Variants in SLC3A1 observed in about 807,000 individuals in gnomAD.
The protein encoded by SLC3A1 is amino acid transporter heavy chain SLC3A1.
A neutral mutation model predicts 60.3 loss-of-function variants in SLC3A1; 78 were observed. The observed-to-expected ratio is 1.29, with a 90% CI of 1.08 to 1.56. The LOEUF (loss-of-function observed/expected upper bound fraction) is 1.56, where lower values mean the gene tolerates loss of function less well. Ranked by LOEUF, SLC3A1 falls within the 40% of genes most tolerant of loss-of-function variation. SLC3A1 has a pLI of 0.00. For missense variants in SLC3A1, 1,172 were observed against 858.9 expected (o/e 1.36, Z -4.56); for synonymous variants, 392 against 307.9 (o/e 1.27, Z -2.86).
chr2:44,320,462 CGACA>C lies in SLC3A1; in HGVS notation c.1882_1885del (p.Asp628LysfsTer50), dbSNP rs1558479169. The C allele has an allele frequency of 6.2e-7, 1 of 1,614,042 alleles. No homozygotes were observed. Among genetic ancestry groups the C allele is most frequent in the East Asian group, 2.2e-5 (1 of 44,884 alleles). ...GAATAAGGTTAAGTACCAATTCTGCCGACAAAGGCAGTAAAGTTGATACAAGTGG... is the reference window on the plus strand; with the variant it reads ...GAATAAGGTTAAGTACCAATTCTGCCAAGGCAGTAAAGTTGATACAAGTGG... On this transcript the variant is annotated frameshift_variant, in exon 10 of 10. Transcript: ENST00000260649. LOFTEE classifies it low-confidence loss of function (END_TRUNC).
intron 4 of SLC3A1, among the ~76,000 whole-genome samples, chr2:44,294,000 T>C (rs1209271097): frequency 1.3e-5 from 2 of 152,078 alleles, no homozygotes. Context: ...AGTCAGTAAA[T>C]TGGTAAGTAA....
chr2:44,290,096 T>C (rs1012265841), intron 4 of SLC3A1, among the ~76,000 whole-genome samples: 4 of 151,112 alleles, frequency 2.6e-5, no homozygotes, highest in African/African-American at 9.7e-5. Flanking sequence ...TTAATTTTTA[T>C]ATAGGGTGTG....
chr2:44,299,052 TTA>T (rs1491126844), intron 4 of SLC3A1, among the ~76,000 whole-genome samples: 2,551 of 145,616 alleles, frequency 0.018, 85 homozygotes, highest in African/African-American at 0.062. Flanking sequence ...TTTTTTTTTT[TTA>T]AAAGACAGAG....
chr2:44,303,262 T>TTA (rs35961995), intron 6 of SLC3A1, among the ~76,000 whole-genome samples: 35 of 150,074 alleles, frequency 2.3e-4, no homozygotes, highest in African/African-American at 5.6e-4. Flanking sequence ...TTTTTTTTTT[T>TTA]AAAGACATTC....
chr2:44,304,843 G>C (rs1672113849), intron 7 of SLC3A1, among the ~76,000 whole-genome samples: 1 of 58,326 alleles, frequency 1.7e-5, no homozygotes, highest in African/African-American at 5.3e-5. Flanking sequence ...TTTTTTTTGA[G>C]ACAGGGGCTC....
intron 7 of SLC3A1, among the ~76,000 whole-genome samples, chr2:44,306,782 C>A (rs994226147): frequency 5.9e-5 from 9 of 151,982 alleles, no homozygotes. Flanking sequence ...GTCTCGAACT[C>A]CTGACCTCAG....
downstream of SLC3A1, chr2:44,321,534 C>T: frequency 1.3e-6 from 2 of 1,539,214 alleles, no homozygotes; most frequent in African/African-American, 1.4e-5. Flanking sequence ...CCATCTTTAC[C>T]TAACCGTGAA....
chr2:44,317,883 A>T, intron 9 of SLC3A1: 1 of 219,498 alleles, frequency 4.6e-6, no homozygotes, highest in South Asian at 4.8e-5. Flanking sequence ...AAAAGATAAA[A>T]CCACTCAGAT....
chr2:44,312,759 T>C lies in SLC3A1; in HGVS notation c.1500+6T>C, dbSNP rs569571227. On this transcript the variant is annotated splice_donor_region_variant and intron_variant, in intron 8 of 9. Transcript: ENST00000260649. ...TCAATGAAAGCTATGATATTGTAAG[T>C]TGAATACAACTTGACTATTCATCAC... The C allele has an allele frequency of 1.9e-6, 3 of 1,611,050 alleles. No individual in the cohort carries two copies. The highest frequency in any genetic ancestry group is 4.5e-5 in the East Asian group (2 of 44,806).
chr2:44,317,681 A>C (rs1672538376), intron 9 of SLC3A1: 1 of 152,412 alleles, frequency 6.6e-6, no homozygotes, highest in Non-Finnish European at 1.5e-5. Flanking sequence ...TTCAAAGAAC[A>C]CTAGACATAA....
At chr2:44,319,299 A>AAGAAT (rs1163288166) in intron 9 of SLC3A1, 1 of 152,664 alleles carries the variant, frequency 6.6e-6, no homozygotes, top group Non-Finnish European at 1.5e-5. Context: ...AGCTCTTATG[A>AAGAAT]AGAATAATTT....
At chr2:44,303,701 G>A (rs1004010200) in intron 6 of SLC3A1, 2 of 276,918 alleles carry the variant, frequency 7.2e-6, no homozygotes, top group Non-Finnish European at 1.4e-5. Context: ...ATTTACATTA[G>A]GTATTTCTCC....
intron 4 of SLC3A1, among the ~76,000 whole-genome samples, chr2:44,295,140 TGAAAAG>T (rs1671821880): frequency 6.6e-6 from 1 of 152,238 alleles, no homozygotes; most frequent in Admixed American, 6.5e-5. Context: ...GTCAGCCATC[TGAAAAG>T]GAAAGGCTTG....
At chr2:44,313,427 A>C (rs891762332) in intron 8 of SLC3A1, among the ~76,000 whole-genome samples, 3 of 152,210 alleles carry the variant, frequency 2.0e-5, no homozygotes, top group African/African-American at 4.8e-5. Context: ...ATGAGCAATA[A>C]TCAGGCTGAA....
chr2:44,309,771 G>A (rs1224311187), intron 7 of SLC3A1, among the ~76,000 whole-genome samples: 12 of 152,124 alleles, frequency 7.9e-5, no homozygotes, highest in Non-Finnish European at 1.5e-5. Context: ...GCTAATTTTT[G>A]TATTTTTAGT....
At chr2:44,305,328 T>C (rs149815804) in intron 7 of SLC3A1, among the ~76,000 whole-genome samples, 89 of 152,270 alleles carry the variant, frequency 5.8e-4, no homozygotes, top group African/African-American at 2.1e-3. Context: ...TGTAGTATTA[T>C]AGATGTAAGC....
At chr2:44,287,354 A>G (rs925729660) in intron 4 of SLC3A1, among the ~76,000 whole-genome samples, 1 of 152,184 alleles carries the variant, frequency 6.6e-6, no homozygotes, top group South Asian at 2.1e-4. Flanking sequence ...ATCTGGGGGA[A>G]GAGAATTTCG....
At chr2:44,292,538 A>G (rs1211177086) in intron 4 of SLC3A1, among the ~76,000 whole-genome samples, 1 of 152,102 alleles carries the variant, frequency 6.6e-6, no homozygotes, top group Non-Finnish European at 1.5e-5. Context: ...TGGGAGGTGG[A>G]CAATTAAACA....
chr2:44,321,554 T>C, downstream of SLC3A1: 1 of 1,511,782 alleles, frequency 6.6e-7, no homozygotes, highest in Admixed American at 2.4e-5. Context: ...AGTCAGCAAT[T>C]TATGGCAAGA....
Sources: gnomAD v4.1 joint callset for allele counts (sites outside exome capture counted in the v4.1 genomes callset) on GRCh38, gnomAD v4.1.1 for gene constraint, MANE v1.5 for transcripts, NCBI Gene and HGNC (gene_info 2026-07-23, HGNC 2026-07-21) for gene names.